Variants in MMD2 observed in about 807,000 individuals in gnomAD.
The protein encoded by MMD2 is monocyte to macrophage differentiation associated 2.
A neutral mutation model predicts 33.5 loss-of-function variants in MMD2; 30 were observed. The ratio of observed to expected loss-of-function variants is 0.90; its 90% CI spans 0.67 to 1.22. The LOEUF (loss-of-function observed/expected upper bound fraction) is 1.22. Ranked by LOEUF, MMD2 falls within the 50% of genes most tolerant of loss-of-function variation. The probability of loss-of-function intolerance (pLI) is 0.00; values close to 1 mark genes in which losing one functional copy is unlikely to be tolerated. For missense variants in MMD2, 364 were observed against 325.4 expected, an observed-to-expected ratio of 1.12 and a Z score of -0.91; for synonymous variants, 129 against 123.0, an observed-to-expected ratio of 1.05 and a Z score of -0.32.
intron 1 of MMD2, among the ~76,000 whole-genome samples, chr7:4,943,780 C>A (rs968513173): frequency 6.6e-6 from 1 of 152,066 alleles, no homozygotes; most frequent in African/African-American, 2.4e-5. Context: ...GAAGACAAAT[C>A]ACTGTTGTTG....
intron 2 of MMD2, among the ~76,000 whole-genome samples, chr7:4,921,519 G>A (rs1038511404): frequency 1.3e-5 from 2 of 151,648 alleles, no homozygotes; most frequent in Non-Finnish European, 2.9e-5. Context: ...TACTCAGGAG[G>A]CTGAGGCAGG....
At chr7:4,945,243 T>TTCTTCTTCCTC (rs759788839) in intron 1 of MMD2, among the ~76,000 whole-genome samples, 1 of 144,706 alleles carries the variant, frequency 6.9e-6, no homozygotes, top group African/African-American at 2.6e-5. Flanking sequence ...CTTCTTCCTC[T>TTCTTCTTCCTC]CTCTCTTTCT....
rs371209704 is a variant in MMD2, at chr7:4,957,399, A to G, written c.47+1572T>C. Among the ~76,000 whole-genome samples the G allele has an allele frequency of 4.0e-5, 6 of 151,458 alleles. No individual in the cohort carries two copies. The South Asian group carries it at 8.4e-4, about 21-fold the overall frequency. ...GGCGGTGGGTCATGCCTGTAATCCC[A>G]GCACTTTGGGAGGCCGAGGCGGGGG... On this transcript the variant is annotated intron_variant, in intron 1 of 6. Coordinates refer to ENST00000401401, the MANE Select transcript of MMD2 (RefSeq NM_198403.4).
At chr7:4,932,185 C>T (rs930492121) in intron 1 of MMD2, among the ~76,000 whole-genome samples, 4 of 152,100 alleles carry the variant, frequency 2.6e-5, no homozygotes, top group African/African-American at 9.7e-5. Context: ...TTCTGAGTTC[C>T]ACAAGACTCT....
intron 3 of MMD2, among the ~76,000 whole-genome samples, chr7:4,916,729 T>C (rs184492901): frequency 6.6e-5 from 10 of 152,232 alleles, no homozygotes; most frequent in Non-Finnish European, 1.5e-4. Flanking sequence ...CTGCTTTATA[T>C]ACTGGGTTTT....
chr7:4,934,918 G>A (rs917616274), intron 1 of MMD2, among the ~76,000 whole-genome samples: 1 of 152,198 alleles, frequency 6.6e-6, no homozygotes. Flanking sequence ...GAGCGGGGTG[G>A]CTCACGCCTG....
intron 1 of MMD2, among the ~76,000 whole-genome samples, chr7:4,932,830 G>A (rs1050102140): frequency 2.1e-4 from 32 of 151,830 alleles, no homozygotes; most frequent in African/African-American, 7.5e-4. Flanking sequence ...TCATCATGTT[G>A]GCCAGGCTGG....
chr7:4,944,671 C>A (rs1251056262), intron 1 of MMD2, among the ~76,000 whole-genome samples: 1 of 152,048 alleles, frequency 6.6e-6, no homozygotes, highest in Non-Finnish European at 1.5e-5. Context: ...CTCTCTGGGT[C>A]CTGCTGAACC....
the MMD2 span, among the ~76,000 whole-genome samples, chr7:4,898,277 TG>T: frequency 1.6e-4 from 25 of 152,322 alleles, no homozygotes; most frequent in South Asian, 8.3e-4. Flanking sequence ...CCACATGGCC[TG>T]GGGGCACTCT....
chr7:4,902,076 G>A (rs1055695904), downstream of MMD2, among the ~76,000 whole-genome samples: 5 of 152,016 alleles, frequency 3.3e-5, no homozygotes, highest in African/African-American at 4.8e-5. Flanking sequence ...TCAGTCTCCT[G>A]AATAGCTGGG....
chr7:4,950,420 C>A (rs76118391), intron 1 of MMD2, among the ~76,000 whole-genome samples: 26,890 of 152,026 alleles, frequency 0.18, 2,856 homozygotes, highest in East Asian at 0.33. Flanking sequence ...TCTTATACCA[C>A]CGTCACCACC....
intron 1 of MMD2, among the ~76,000 whole-genome samples, chr7:4,931,886 ACT>A (rs1785597147): frequency 6.6e-6 from 1 of 151,964 alleles, no homozygotes; most frequent in East Asian, 1.9e-4. Flanking sequence ...ATTTAGAGAG[ACT>A]CTGCCCAAAA....
At chr7:4,947,601 G>A (rs1448954462) in intron 1 of MMD2, among the ~76,000 whole-genome samples, 2 of 150,320 alleles carry the variant, frequency 1.3e-5, no homozygotes, top group Non-Finnish European at 3.0e-5. Context: ...CACCATGTTA[G>A]CCAGGATGGT....
In MMD2 at chr7:4,906,256, G is replaced by A; in HGVS notation, c.*1140C>T. On this transcript the variant is annotated 3_prime_UTR_variant, in exon 7 of 7. Coordinates refer to ENST00000401401, the MANE Select transcript of MMD2 (RefSeq NM_198403.4). ...ATGTCCAGGCAGCATTGGACAGAGA[G>A]GCTGGCCCCGCCCTGACGGGGGCTG... 1 of 378,340 alleles carries A rather than the reference G, an allele frequency of 2.6e-6. No individual in the cohort carries two copies. 23.4% of individuals were successfully genotyped at this position (378,340 alleles called of 1,614,324 possible).
chr7:4,892,585 T>TATAAATAAATAAATAA, the MMD2 span, among the ~76,000 whole-genome samples: 31 of 143,418 alleles, frequency 2.2e-4, no homozygotes, highest in African/African-American at 3.7e-4. Context: ...AAGACTCTGC[T>TATAAATAAATAAATAA]ATAAATAAAT....
intron 4 of MMD2, among the ~76,000 whole-genome samples, chr7:4,912,323 C>T (rs1461888528): frequency 6.6e-6 from 1 of 151,876 alleles, no homozygotes; most frequent in Non-Finnish European, 1.5e-5. Flanking sequence ...CTTTGGGAGG[C>T]TGAGGCGGGC....
At chr7:4,929,150 T>A (rs538586596) in intron 1 of MMD2, among the ~76,000 whole-genome samples, 50 of 152,014 alleles carry the variant, frequency 3.3e-4, no homozygotes, top group African/African-American at 1.1e-3. Context: ...CAGGTTCGGG[T>A]GACTGCTCTC....
chr7:4,945,012 ACCTCTCCCTCTC>A (rs563843987), intron 1 of MMD2, among the ~76,000 whole-genome samples: 4 of 118,612 alleles, frequency 3.4e-5, no homozygotes, highest in South Asian at 5.5e-4. Flanking sequence ...TTCTTTTCTT[ACCTCTCCCTCTC>A]CCTCTCCCTC....
intron 1 of MMD2, among the ~76,000 whole-genome samples, chr7:4,957,161 C>A (rs1190884139): frequency 1.0e-5 from 1 of 95,422 alleles, no homozygotes; most frequent in Non-Finnish European, 2.3e-5. Context: ...GTGAGACTGT[C>A]TCAAAAAAAA....
Sources: allele counts gnomAD v4.1 joint callset (sites outside exome capture counted in the v4.1 genomes callset), GRCh38; gene constraint gnomAD v4.1.1; transcripts MANE v1.5; gene names NCBI Gene and HGNC (gene_info 2026-07-23, HGNC 2026-07-21).